The following STPG2 variants were observed in gnomAD, a reference collection of about 807,000 sequenced individuals.
STPG2 encodes the protein sperm-tail PG-rich repeat-containing protein 2.
STPG2 carries 56 observed loss-of-function variants against 54.2 expected under a neutral mutation model. The ratio of observed to expected loss-of-function variants is 1.03; its 90% CI spans 0.83 to 1.29. The LOEUF (loss-of-function observed/expected upper bound fraction) is 1.29. Ranked by LOEUF, STPG2 falls within the 50% of genes most tolerant of loss-of-function variation. STPG2 has a pLI of 0.00. For missense variants in STPG2, 596 were observed against 544.9 expected (o/e 1.09, Z -0.93); for synonymous variants, 200 against 181.8 (o/e 1.10, Z -0.81).
At chr4:97,579,220 G>A (rs1326145780) in intron 10 of STPG2, among the ~76,000 whole-genome samples, 1 of 151,906 alleles carries the variant, frequency 6.6e-6, no homozygotes, top group Non-Finnish European at 1.5e-5. Context: ...TTTCCTATTA[G>A]TAGAAAAGTA....
intron 5 of STPG2, among the ~76,000 whole-genome samples, chr4:98,040,088 T>C (rs1007489938): frequency 6.6e-6 from 1 of 152,018 alleles, no homozygotes; most frequent in Non-Finnish European, 1.5e-5. Flanking sequence ...TATTGAACAT[T>C]TTTTCATATC....
intron 1 of STPG2, among the ~76,000 whole-genome samples, chr4:98,141,586 T>C (rs192756244): frequency 6.6e-6 from 1 of 152,312 alleles, no homozygotes; most frequent in Admixed American, 6.5e-5. Context: ...CACTTTGAGT[T>C]GTCCCGCCTT....
intron 10 of STPG2, among the ~76,000 whole-genome samples, chr4:97,669,844 G>T (rs183206729): frequency 1.1e-4 from 16 of 151,052 alleles, no homozygotes; most frequent in Admixed American, 1.3e-4. Context: ...TCAAGTTTCA[G>T]CATGAAGTCA....
At chr4:97,506,784 A>G (rs1356522139) in intron 4 of STPG2, among the ~76,000 whole-genome samples, 1 of 151,984 alleles carries the variant, frequency 6.6e-6, no homozygotes, top group African/African-American at 2.4e-5. Flanking sequence ...ATGTATAACT[A>G]ATAAGCTAAT....
At chr4:97,981,670 CGTTAT>C (rs1560621564) in intron 5 of STPG2, among the ~76,000 whole-genome samples, 1 of 151,312 alleles carries the variant, frequency 6.6e-6, no homozygotes, top group African/African-American at 2.4e-5. Context: ...TGATCTAACA[CGTTAT>C]TTTATGTGAT....
intron 10 of STPG2, among the ~76,000 whole-genome samples, chr4:97,568,865 ATTTCT>A (rs935653432): frequency 2.0e-5 from 3 of 151,500 alleles, no homozygotes; most frequent in African/African-American, 4.9e-5. Flanking sequence ...ATGAACATTA[ATTTCT>A]TTTCTTTTCT....
At chr4:98,034,906 T>G (rs1469076497) in intron 5 of STPG2, among the ~76,000 whole-genome samples, 1 of 152,166 alleles carries the variant, frequency 6.6e-6, no homozygotes, top group East Asian at 1.9e-4. Context: ...TGCAGAAAGC[T>G]GAAACTGGAT....
intron 10 of STPG2, among the ~76,000 whole-genome samples, chr4:97,581,888 C>T (rs975053770): frequency 6.6e-6 from 1 of 151,712 alleles, no homozygotes; most frequent in Non-Finnish European, 1.5e-5. Flanking sequence ...ATCCTTCCAG[C>T]CTGGCCATAA....
intron 10 of STPG2, among the ~76,000 whole-genome samples, chr4:97,646,724 TA>T (rs1721922822): frequency 6.8e-6 from 1 of 147,918 alleles, no homozygotes; most frequent in Non-Finnish European, 1.5e-5. Flanking sequence ...AACTGCTTAG[TA>T]AGTGATATAC....
intron 8 of STPG2, among the ~76,000 whole-genome samples, chr4:97,911,149 C>T (rs561769128): frequency 1.9e-3 from 294 of 152,366 alleles, no homozygotes; most frequent in Non-Finnish European, 3.0e-3. Context: ...TTGCAACCCA[C>T]GAATAAGATC....
intron 5 of STPG2, among the ~76,000 whole-genome samples, chr4:98,093,314 C>A (rs570850479): frequency 2.0e-5 from 3 of 152,108 alleles, no homozygotes; most frequent in Non-Finnish European, 2.9e-5. Context: ...ATTATAATGT[C>A]ATAAATATTC....
chr4:97,859,135 C>G (rs1019220682), intron 8 of STPG2, among the ~76,000 whole-genome samples: 1 of 152,170 alleles, frequency 6.6e-6, no homozygotes, highest in African/African-American at 2.4e-5. Flanking sequence ...CTACATTTCC[C>G]TGACAATTAG....
intron 8 of STPG2, among the ~76,000 whole-genome samples, chr4:97,844,565 TAA>T (rs1728892970): frequency 6.6e-6 from 1 of 152,094 alleles, no homozygotes; most frequent in African/African-American, 2.4e-5. Context: ...TTCCACTATA[TAA>T]GTTTCCTTTT....
At chr4:98,074,014 T>G (rs1738083560) in intron 5 of STPG2, among the ~76,000 whole-genome samples, 1 of 152,204 alleles carries the variant, frequency 6.6e-6, no homozygotes, top group Admixed American at 6.5e-5. Context: ...TGTTTTTATT[T>G]AGAGGTGCTG....
At chr4:97,577,331 G>C (rs1732747948) in intron 10 of STPG2, among the ~76,000 whole-genome samples, 1 of 152,114 alleles carries the variant, frequency 6.6e-6, no homozygotes, top group Non-Finnish European at 1.5e-5. Flanking sequence ...CAATGTCATG[G>C]AATCAACCTA....
At chr4:97,697,625 C>G (rs1723621510) in intron 10 of STPG2, among the ~76,000 whole-genome samples, 1 of 152,188 alleles carries the variant, frequency 6.6e-6, no homozygotes, top group Non-Finnish European at 1.5e-5. Context: ...TTGTTGGGAA[C>G]AGGCCCCCAA....
intron 5 of STPG2, among the ~76,000 whole-genome samples, chr4:98,080,994 A>T (rs783948): frequency 0.89 from 136,213 of 152,240 alleles, 61,278 homozygotes; most frequent in Middle Eastern, 0.98. Flanking sequence ...AAATTTTAGA[A>T]GCTGCCTTGG....
At chr4:97,920,455 A>G (rs540331783) in intron 8 of STPG2, among the ~76,000 whole-genome samples, 1 of 152,310 alleles carries the variant, frequency 6.6e-6, no homozygotes, top group Admixed American at 6.5e-5. Flanking sequence ...AAGTTTCTCT[A>G]CCGACTGGGG....
At chr4:98,141,779 C>T (rs1397639517) in intron 1 of STPG2, among the ~76,000 whole-genome samples, 2 of 152,006 alleles carry the variant, frequency 1.3e-5, no homozygotes, top group African/African-American at 4.8e-5. Context: ...AAATATTTTA[C>T]AGAGTTTGAC....
Sources: allele counts gnomAD v4.1 joint callset (sites outside exome capture counted in the v4.1 genomes callset), GRCh38; gene constraint gnomAD v4.1.1; transcripts MANE v1.5; gene names NCBI Gene and HGNC (gene_info 2026-07-23, HGNC 2026-07-21).